The following NIPSNAP2 variants were observed in gnomAD, a reference collection of about 807,000 sequenced individuals.
The protein encoded by NIPSNAP2 is protein NipSnap homolog 2.
Under a neutral mutation model 48.4 loss-of-function variants are expected in NIPSNAP2, and 42 were observed. The ratio of observed to expected loss-of-function variants is 0.87; its 90% CI spans 0.68 to 1.12. NIPSNAP2 has a LOEUF of 1.12. NIPSNAP2 is among the 50% of genes most tolerant of loss of function. The pLI, the probability that NIPSNAP2 is intolerant of heterozygous loss-of-function variation, is 0.00. For missense variants in NIPSNAP2, 314 were observed against 347.3 expected (o/e 0.90, Z 0.76); for synonymous variants, 158 against 126.6 (o/e 1.25, Z -1.67).
chr7:55,987,212 A>G (rs1306462780), intron 7 of NIPSNAP2, among the ~76,000 whole-genome samples: 1 of 152,142 alleles, frequency 6.6e-6, no homozygotes, highest in Non-Finnish European at 1.5e-5. Context: ...ACTTCTGGAT[A>G]TATATCCAAC....
chr7:55,982,285 T>C lies in NIPSNAP2; in HGVS notation c.444+5T>C. The C allele has an allele frequency of 6.4e-7, 1 of 1,559,746 alleles. No individual in the cohort carries two copies. The highest frequency in any genetic ancestry group is 1.1e-5 in the South Asian group (1 of 89,190). On this transcript the variant is annotated splice_donor_5th_base_variant and intron_variant, in intron 5 of 9. Coordinates refer to ENST00000322090, the MANE Select transcript of NIPSNAP2 (RefSeq NM_001483.3). ...AATAAACTCAGAGAAAATAAGGTAA[T>C]GATATTGAAAAATGTTTACTTAGAC...
intron 1 of NIPSNAP2, among the ~76,000 whole-genome samples, chr7:55,975,466 G>GCTAC: frequency 6.6e-6 from 1 of 152,148 alleles, no homozygotes. Flanking sequence ...AATTCAGAAG[G>GCTAC]CTACCCTTCT....
intron 7 of NIPSNAP2, among the ~76,000 whole-genome samples, chr7:55,993,052 A>C (rs1172371430): frequency 6.6e-6 from 1 of 152,064 alleles, no homozygotes; most frequent in East Asian, 1.9e-4. Context: ...TAATCCAAGC[A>C]CTTAGGGAGG....
chr7:55,991,072 T>G (rs1321687178), intron 7 of NIPSNAP2, among the ~76,000 whole-genome samples: 1 of 152,142 alleles, frequency 6.6e-6, no homozygotes, highest in Non-Finnish European at 1.5e-5. Flanking sequence ...ATTACAGGTG[T>G]GAGCCACCGC....
intron 1 of NIPSNAP2, among the ~76,000 whole-genome samples, chr7:55,969,365 G>GTGT (rs1554341334): frequency 1.3e-5 from 2 of 151,994 alleles, no homozygotes; most frequent in Non-Finnish European, 2.9e-5. Flanking sequence ...CCAAATGCTG[G>GTGT]TGCTGTTTGC....
chr7:55,989,937 T>G (rs1787409565), intron 7 of NIPSNAP2, among the ~76,000 whole-genome samples: 1 of 144,824 alleles, frequency 6.9e-6, no homozygotes, highest in Admixed American at 7.1e-5. Flanking sequence ...TGAAACCCTG[T>G]CTACTAAAAA....
intron 9 of NIPSNAP2, among the ~76,000 whole-genome samples, chr7:55,998,436 T>C (rs1236494133): frequency 3.4e-5 from 5 of 148,240 alleles, no homozygotes; most frequent in African/African-American, 1.2e-4. Context: ...CCATTTCTCC[T>C]CACAGTATGG....
In NIPSNAP2 at chr7:55,992,837, C is replaced by A. The variant is rs535587889; in HGVS notation, c.618-2057C>A. ...GCATGGTGTGTCATCTCCTGATAGA[C>A]CTTAACCATGTGTCTTCTGGTGACC... On this transcript the variant is annotated intron_variant, in intron 7 of 9. Coordinates refer to ENST00000322090, the MANE Select transcript of NIPSNAP2 (RefSeq NM_001483.3). 3.7e-4 allele frequency among the ~76,000 whole-genome samples: 56 copies of A among 152,268 alleles called. 1 individual carries two copies. Among genetic ancestry groups the A allele is most frequent in the South Asian group, 3.1e-3 (15 of 4,824 alleles).
At position 55,978,180 on chromosome 7, in the gene NIPSNAP2, A is replaced by C. The variant is rs1787139731; in HGVS notation, c.147A>C (p.Leu49Phe). The C allele has an allele frequency of 6.2e-7, 1 of 1,614,102 alleles. No individual in the cohort carries two copies. The highest frequency in any genetic ancestry group is 8.5e-7 in the Non-Finnish European group (1 of 1,180,004). Residue 49 changes from leucine to phenylalanine, a missense_variant, in exon 2 of 10, where the codon TTA becomes TTC. Transcript: ENST00000322090. Reference sequence around the variant, plus strand: ...GAGAAGACAGCTGGCTAAAATCCTTATTTGTCCGGAAAGTTGATCCAAGAA... The same window carrying C: ...GAGAAGACAGCTGGCTAAAATCCTTCTTTGTCCGGAAAGTTGATCCAAGAA... ...RSREDSWLKS[L>F]FVRKVDPRKD...
At chr7:55,973,834 G>A (rs1230464693) in intron 1 of NIPSNAP2, among the ~76,000 whole-genome samples, 2 of 151,990 alleles carry the variant, frequency 1.3e-5, no homozygotes, top group African/African-American at 4.8e-5. Flanking sequence ...TTTATATCTG[G>A]TTTCTACCTA....
intron 1 of NIPSNAP2, among the ~76,000 whole-genome samples, chr7:55,974,684 T>C (rs1190178184): frequency 6.6e-6 from 1 of 151,584 alleles, no homozygotes; most frequent in Non-Finnish European, 1.5e-5. Flanking sequence ...CCATCTCTAC[T>C]AAAAATACAA....
chr7:55,969,641 T>C (rs1331189945), intron 1 of NIPSNAP2, among the ~76,000 whole-genome samples: 1 of 152,176 alleles, frequency 6.6e-6, no homozygotes, highest in Non-Finnish European at 1.5e-5. Context: ...GCCAGGTTCA[T>C]CTGTGCATCG....
chr7:55,981,928 T>C (rs1039978684), intron 4 of NIPSNAP2: 4 of 321,504 alleles, frequency 1.2e-5, no homozygotes, highest in African/African-American at 8.5e-5. Flanking sequence ...TGCTTTAGCC[T>C]CCCAAGTAGC....
chr7:55,984,722 A>G lies in NIPSNAP2; in HGVS notation c.586-125A>G. 7.3e-6 allele frequency: 5 copies of G among 685,774 alleles called. No homozygotes were observed. In the South Asian group the frequency reaches 9.2e-5, roughly 13 times the overall value. The allele number at this position is 685,774 out of a possible 1,614,324, so 42.5% of individuals were successfully genotyped here. On this transcript the variant is annotated intron_variant, in intron 6 of 9. Transcript: ENST00000322090. The stretch of plus-strand genomic sequence containing the variant: ...GACGGAGCAAGATTCTGTCTCAAAA[A>G]AAAAAAAAAAAAAGGTTTTTTGAAG...
At chr7:55,990,791 C>G (rs1359972110) in intron 7 of NIPSNAP2, among the ~76,000 whole-genome samples, 3 of 136,704 alleles carry the variant, frequency 2.2e-5, no homozygotes, top group African/African-American at 8.1e-5. Context: ...TTTTCTTTTT[C>G]TTTTTTTTTT....
chr7:55,971,567 A>G (rs1787016043), intron 1 of NIPSNAP2, among the ~76,000 whole-genome samples: 1 of 151,990 alleles, frequency 6.6e-6, no homozygotes, highest in Admixed American at 6.6e-5. Flanking sequence ...GGCTCAAGCG[A>G]TCCTCCTGCC....
rs977006424 is a variant in NIPSNAP2 at position 55,999,622 on chromosome 7, CAA to C, written c.*551_*552del. The C allele has an allele frequency of 2.7e-4, 42 of 152,742 alleles. No homozygotes were observed. Among genetic ancestry groups the C allele is most frequent in the African/African-American group, 1.0e-3 (42 of 41,424 alleles). The allele number at this position is 152,742 out of a possible 1,614,324, so 9.5% of individuals were successfully genotyped here. ...ATTTGTAAGCAGTCCACATAGTAGA[CAA>C]TGGGTTTTCCAAGCTGGGCAAGGTA... On this transcript the variant is annotated 3_prime_UTR_variant, in exon 10 of 10. Transcript: ENST00000322090.
intron 5 of NIPSNAP2, 151 bp from the exon 6 acceptor site, chr7:55,983,577 A>G: frequency 1.6e-6 from 1 of 613,100 alleles, no homozygotes; most frequent in Non-Finnish European, 2.7e-6. Flanking sequence ...ATGATTATGC[A>G]AGCTCAACAG....
chr7:55,981,236 G>A (rs1436907590), intron 3 of NIPSNAP2: 3 of 303,548 alleles, frequency 9.9e-6, no homozygotes, highest in African/African-American at 6.5e-5. Context: ...TATACTGATT[G>A]AACAACTCTT....
Sources: gnomAD v4.1 joint callset for allele counts (sites outside exome capture counted in the v4.1 genomes callset) on GRCh38, gnomAD v4.1.1 for gene constraint, MANE v1.5 for transcripts, NCBI Gene and HGNC (gene_info 2026-07-23, HGNC 2026-07-21) for gene names.